Variants in COL4A4 observed in about 807,000 individuals in gnomAD.
COL4A4 encodes the protein collagen type IV alpha 4 chain, also known as collagen alpha-4(IV) chain.
A neutral mutation model predicts 192.9 loss-of-function variants in COL4A4; 105 were observed. The observed-to-expected ratio is 0.54, with a 90% CI of 0.46 to 0.64. The LOEUF is 0.64. COL4A4 is among the 30% of genes least tolerant of loss of function. The probability of loss-of-function intolerance (pLI) is 0.00; values close to 1 mark genes in which losing one functional copy is unlikely to be tolerated. For synonymous variants in COL4A4, 762 were observed against 769.9 expected (o/e 0.99, Z 0.17); for missense variants, 1,967 against 2,169.3 (o/e 0.91, Z 1.85).
intron 44 of COL4A4, among the ~76,000 whole-genome samples, chr2:227,019,803 G>A (rs1388393810): frequency 2.0e-5 from 3 of 152,168 alleles, no homozygotes; most frequent in African/African-American, 4.8e-5. Flanking sequence ...AAGTAGCTGG[G>A]ATTACAGGCA....
At position 227,010,317 on chromosome 2, in the gene COL4A4, G is replaced by A. The variant is rs2149743323; in HGVS notation, c.4518C>T (p.Asp1506=). 6.2e-7 allele frequency: 1 copy of A among 1,614,198 alleles called. No individual in the cohort carries two copies. The highest frequency in any genetic ancestry group is 8.5e-7 in the Non-Finnish European group (1 of 1,180,030). Residue 1506 remains aspartate (D), a synonymous_variant, in exon 46 of 48, where the codon GAC becomes GAT. Transcript: ENST00000396625. ...TGGGCGATCCTGTATCCATACCAAG[G>A]TCTTGATTGTGAGCTTTCTCTTGCC... The part of the protein sequence containing the change: ...LEGQEKAHNQ[D]LGLAGSCLPV...
chr2:227,080,085 C>T (rs1376913488), intron 24 of COL4A4, among the ~76,000 whole-genome samples: 1 of 152,108 alleles, frequency 6.6e-6, no homozygotes, highest in African/African-American at 2.4e-5. Context: ...TGCTAAACAT[C>T]GGGACCCGAG....
chr2:227,159,904 C>T (rs1188758891), intron 1 of COL4A4, among the ~76,000 whole-genome samples: 1 of 152,202 alleles, frequency 6.6e-6, no homozygotes, highest in Non-Finnish European at 1.5e-5. Context: ...AACATTCCCT[C>T]AAAGGCTTTG....
rs546303688 is a variant in COL4A4 at position 227,094,652 on chromosome 2, A to G, written c.1205-363T>C. Among the ~76,000 whole-genome samples, 6 of 152,280 alleles carry G rather than the reference A, an allele frequency of 3.9e-5. No individual in the cohort carries two copies. The South Asian group carries it at 1.2e-3, about 32-fold the overall frequency. ...CAGCGTGAAAATGATAGTTAACAATACTATATCTTATATTTGAATTTTGCT... is the reference window on the plus strand; with the variant it reads ...CAGCGTGAAAATGATAGTTAACAATGCTATATCTTATATTTGAATTTTGCT... On this transcript the variant is annotated intron_variant, in intron 19 of 47. Coordinates refer to ENST00000396625, the MANE Select transcript of COL4A4 (RefSeq NM_000092.5).
chr2:227,042,374 T>C, intron 36 of COL4A4, 119 bp from the exon 37 acceptor site: 2 of 688,808 alleles, frequency 2.9e-6, no homozygotes, highest in Non-Finnish European at 5.3e-6. Flanking sequence ...TTACTTTTTC[T>C]TCCTATACAT....
the COL4A4 span, among the ~76,000 whole-genome samples, chr2:226,968,485 T>TA: frequency 6.6e-6 from 1 of 152,178 alleles, no homozygotes; most frequent in Non-Finnish European, 1.5e-5. Context: ...CCACATTATC[T>TA]AAAATAATCT....
chr2:227,023,659 T>C (rs1475717949), intron 43 of COL4A4, among the ~76,000 whole-genome samples: 1 of 152,184 alleles, frequency 6.6e-6, no homozygotes, highest in East Asian at 1.9e-4. Context: ...ATGCTTTTAC[T>C]ATTAAATCCT....
rs565091963 is a variant in COL4A4, at chr2:227,123,229, G to T, written c.193-2081C>A. On this transcript the variant is annotated intron_variant, in intron 4 of 47. Coordinates refer to ENST00000396625, the MANE Select transcript of COL4A4 (RefSeq NM_000092.5). This position sits in a 1 kb window ranked among gnomAD's most constrained non-coding sequence, Gnocchi z 4.6. ...GCCCAGACACCAGGAGGGAGATGGG[G>T]CAGGAGCCCCGTAAAAATAGTGCAA... is the stretch of plus-strand genomic sequence containing the variant. 1.3e-5 allele frequency among the ~76,000 whole-genome samples: 2 copies of T among 152,312 alleles called. No individual in the cohort carries two copies. Among genetic ancestry groups the T allele is most frequent in the South Asian group, 4.1e-4 (2 of 4,828 alleles).
rs1054413 is a variant in COL4A4 at position 227,003,003 on chromosome 2, G to A, written c.*4322C>T. ...GCATTATGCAGAGTTTCTAGCAGAT[G>A]ATAACAGTGACAATTGCAGAGTACT... is the stretch of plus-strand genomic sequence containing the variant. On this transcript the variant is annotated 3_prime_UTR_variant, in exon 48 of 48. Transcript: ENST00000396625. The A allele has an allele frequency of 0.5, 76,053 of 152,494 alleles. 19,917 individuals are homozygous for A. Among genetic ancestry groups the A allele is most frequent in the African/African-American group, 0.67 (27,894 of 41,480 alleles). The allele number at this position is 152,494 out of a possible 1,614,324, so 9.4% of individuals were successfully genotyped here. A position where few individuals can be genotyped will look rare whatever the true frequency, so the allele number is the denominator to read the frequency against.
At chr2:226,975,893 T>G in the COL4A4 span, among the ~76,000 whole-genome samples, 1 of 152,042 alleles carries the variant, frequency 6.6e-6, no homozygotes, top group Non-Finnish European at 1.5e-5. Flanking sequence ...AGGGTTCTGA[T>G]TGAGTGCATT....
rs1334078645 is a variant in COL4A4 at position 227,102,579 on chromosome 2, CTA to C, written c.930+208_930+209del. Among the ~76,000 whole-genome samples the C allele has an allele frequency of 6.6e-5, 10 of 152,328 alleles. 1 individual carries two copies. In the East Asian group the frequency reaches 1.9e-3, roughly 29 times the overall value. On this transcript the variant is annotated intron_variant, in intron 15 of 47. Coordinates refer to ENST00000396625, the MANE Select transcript of COL4A4 (RefSeq NM_000092.5). ...ATCCTGTCACTTTTCCCAAATTCTT[CTA>C]TCTTTTGCTTGCCTGTTTTATCTAA...
At chr2:227,055,504 A>T in intron 30 of COL4A4, among the ~76,000 whole-genome samples, 1 of 152,054 alleles carries the variant, frequency 6.6e-6, no homozygotes, top group South Asian at 2.1e-4. Flanking sequence ...CCTAAAAAAA[A>T]TAATAATAAT....
At chr2:227,164,337 AC>A, upstream of COL4A4, 1 of 246,964 alleles carries the variant, frequency 4.0e-6, no homozygotes, top group Non-Finnish European at 7.7e-6. The surrounding 1 kb of genome is among the most constrained non-coding windows in gnomAD (Gnocchi z 4.8). Context: ...CTCCGACCGC[AC>A]CCCACTTCCC....
At chr2:226,990,033 A>G in the COL4A4 span, among the ~76,000 whole-genome samples, 1 of 152,256 alleles carries the variant, frequency 6.6e-6, no homozygotes, top group East Asian at 1.9e-4. Flanking sequence ...CTCGTAAACC[A>G]AAACTGAAAT....
chr2:226,994,613 T>G, the COL4A4 span, among the ~76,000 whole-genome samples: 1 of 152,212 alleles, frequency 6.6e-6, no homozygotes, highest in East Asian at 1.9e-4. Flanking sequence ...CTTACCCGTA[T>G]CTATCAGTGA....
intron 35 of COL4A4, among the ~76,000 whole-genome samples, chr2:227,043,840 G>A (rs75874170): frequency 0.024 from 3,706 of 152,110 alleles, 132 homozygotes; most frequent in African/African-American, 0.084. Context: ...ATAACATTTC[G>A]CAGCCAAGAA....
chr2:227,078,378 G>A (rs2059146980), intron 24 of COL4A4, among the ~76,000 whole-genome samples: 1 of 151,966 alleles, frequency 6.6e-6, no homozygotes, highest in Non-Finnish European at 1.5e-5. Context: ...GAGTAGCTGG[G>A]ATTACAGGCA....
At chr2:227,048,008 A>G (rs1207641444) in intron 34 of COL4A4, among the ~76,000 whole-genome samples, 2 of 152,182 alleles carry the variant, frequency 1.3e-5, no homozygotes, top group East Asian at 3.8e-4. Flanking sequence ...TCACAAAGGC[A>G]TACTGCATTG....
At chr2:227,025,769 A>G (rs747356608) in intron 43 of COL4A4, 33 bp downstream of exon 43, 1 of 1,599,098 alleles carries the variant, frequency 6.3e-7, no homozygotes, top group East Asian at 2.2e-5. Flanking sequence ...AACCAGAGTG[A>G]GGGGAAATTA....
Sources: allele counts gnomAD v4.1 joint callset (sites outside exome capture counted in the v4.1 genomes callset), GRCh38; gene constraint gnomAD v4.1.1; non-coding constraint Gnocchi (gnomAD v3.1); transcripts MANE v1.5; gene names NCBI Gene and HGNC (gene_info 2026-07-23, HGNC 2026-07-21).